The following ME1 variants were observed in gnomAD, a reference collection of about 807,000 sequenced individuals.
ME1 encodes NADP-dependent malic enzyme.
ME1 carries 74 observed loss-of-function variants against 66.4 expected under a neutral mutation model. The observed-to-expected ratio is 1.11, with a 90% CI of 0.92 to 1.35. ME1 has a LOEUF of 1.35. Among genes scored for constraint, ME1 ranks in the 40% most tolerant of loss-of-function variants. ME1 has a pLI of 0.00. For missense variants in ME1, 750 were observed against 694.1 expected (o/e 1.08, Z -0.90); for synonymous variants, 251 against 235.6 (o/e 1.07, Z -0.60).
intron 5 of ME1, among the ~76,000 whole-genome samples, chr6:83,321,748 C>T (rs187643710): frequency 1.3e-5 from 2 of 152,176 alleles, no homozygotes; most frequent in African/African-American, 2.4e-5. Context: ...AACTTTCCAG[C>T]CTGACAGCTC....
At chr6:83,262,607 C>T (rs902588183) in intron 6 of ME1, among the ~76,000 whole-genome samples, 5 of 152,080 alleles carry the variant, frequency 3.3e-5, no homozygotes, top group African/African-American at 1.2e-4. Context: ...ACATATTCAG[C>T]AGAAAAGAGA....
chr6:83,225,485 A>G (rs1204834860), intron 11 of ME1, among the ~76,000 whole-genome samples: 1 of 152,082 alleles, frequency 6.6e-6, no homozygotes, highest in African/African-American at 2.4e-5. Flanking sequence ...GAGTCTAAAT[A>G]ATGATATTAA....
intron 1 of ME1, among the ~76,000 whole-genome samples, chr6:83,419,151 T>C (rs1349728465): frequency 6.6e-6 from 1 of 152,182 alleles, no homozygotes; most frequent in African/African-American, 2.4e-5. Context: ...CCCCAGTACC[T>C]TTCCTGACTA....
chr6:83,400,161 C>G (rs1455862661), intron 2 of ME1, among the ~76,000 whole-genome samples: 1 of 152,126 alleles, frequency 6.6e-6, no homozygotes, highest in Non-Finnish European at 1.5e-5. Context: ...CCTTCCAAAT[C>G]TCATGTTGAA....
At chr6:83,323,672 C>G (rs150374789) in intron 5 of ME1, among the ~76,000 whole-genome samples, 2 of 152,216 alleles carry the variant, frequency 1.3e-5, no homozygotes, top group African/African-American at 2.4e-5. Context: ...TACAGGAGCA[C>G]CCAGGTTCAT....
intron 3 of ME1, among the ~76,000 whole-genome samples, chr6:83,353,267 A>G (rs186512935): frequency 1.3e-5 from 2 of 152,324 alleles, no homozygotes; most frequent in African/African-American, 4.8e-5. Context: ...CAGAAGGCAC[A>G]CCATATTTGG....
chr6:83,393,132 G>C (rs1304278311), intron 3 of ME1: 6 of 1,372,998 alleles, frequency 4.4e-6, no homozygotes, highest in Non-Finnish European at 6.2e-6. Flanking sequence ...GTCAGTGGTG[G>C]ACCTGACCTG....
chr6:83,243,024 A>C (rs1428153121), intron 7 of ME1, among the ~76,000 whole-genome samples: 1 of 151,990 alleles, frequency 6.6e-6, no homozygotes, highest in Admixed American at 6.6e-5. Flanking sequence ...TTGGGAGGCC[A>C]AGGCAGGAGG....
intron 5 of ME1, among the ~76,000 whole-genome samples, chr6:83,331,836 C>T (rs9449610): frequency 0.058 from 8,834 of 151,958 alleles, 483 homozygotes; most frequent in African/African-American, 0.14. Context: ...TCCCATATAA[C>T]GTATGAAAAG....
intron 3 of ME1, chr6:83,392,400 G>C: frequency 4.0e-6 from 2 of 495,394 alleles, no homozygotes; most frequent in Non-Finnish European, 7.8e-6. Flanking sequence ...ATTGCCAGCT[G>C]CATCCCTGAG....
chr6:83,412,117 A>G (rs555282088), intron 1 of ME1, among the ~76,000 whole-genome samples: 1 of 152,356 alleles, frequency 6.6e-6, no homozygotes, highest in Non-Finnish European at 1.5e-5. Context: ...TGAGTAATTT[A>G]TCAGAAACTA....
At chr6:83,357,899 T>TCCC (rs1365576040) in intron 3 of ME1, among the ~76,000 whole-genome samples, 2 of 62,216 alleles carry the variant, frequency 3.2e-5, no homozygotes, top group East Asian at 5.5e-4. Flanking sequence ...CTTAATAAAC[T>TCCC]CCCCTCTCTC....
intron 5 of ME1, among the ~76,000 whole-genome samples, chr6:83,330,389 C>T (rs1041780957): frequency 6.6e-6 from 1 of 152,022 alleles, no homozygotes; most frequent in Non-Finnish European, 1.5e-5. Context: ...GAGTCTAAAA[C>T]CAGTACCACT....
At chr6:83,368,939 T>C (rs910560530) in intron 3 of ME1, among the ~76,000 whole-genome samples, 1 of 152,126 alleles carries the variant, frequency 6.6e-6, no homozygotes, top group African/African-American at 2.4e-5. Context: ...TTCATTTCCC[T>C]CTGCAATATT....
At chr6:83,402,029 C>T (rs964739630) in intron 2 of ME1, among the ~76,000 whole-genome samples, 1 of 152,186 alleles carries the variant, frequency 6.6e-6, no homozygotes, top group Non-Finnish European at 1.5e-5. Flanking sequence ...TGGTATTCCA[C>T]ACAGCATTGC....
chr6:83,298,535 A>C (rs1047532736), intron 6 of ME1, among the ~76,000 whole-genome samples: 1 of 152,046 alleles, frequency 6.6e-6, no homozygotes, highest in Non-Finnish European at 1.5e-5. Flanking sequence ...CTCTGATGAT[A>C]GTTTCTTTTG....
intron 7 of ME1, among the ~76,000 whole-genome samples, chr6:83,252,264 TTGTTGTTGTTGTTGC>T (rs57816477): frequency 0.026 from 3,876 of 151,938 alleles, 111 homozygotes; most frequent in East Asian, 0.15. Context: ...TCTGTTGTTG[TTGTTGTTGTTGTTGC>T]TGTTGTTGTT....
intron 8 of ME1, among the ~76,000 whole-genome samples, chr6:83,238,498 T>C (rs1273639846): frequency 1.3e-5 from 2 of 152,062 alleles, no homozygotes; most frequent in Non-Finnish European, 2.9e-5. Flanking sequence ...CCTTTGAAAA[T>C]TCAAAGAGGT....
intron 6 of ME1, among the ~76,000 whole-genome samples, chr6:83,267,125 T>A (rs1350995247): frequency 6.6e-6 from 1 of 152,152 alleles, no homozygotes; most frequent in Admixed American, 6.5e-5. Context: ...TAGGGATGTG[T>A]GGAAGCTCAA....
Sources: allele counts gnomAD v4.1 joint callset (sites outside exome capture counted in the v4.1 genomes callset), GRCh38; gene constraint gnomAD v4.1.1; transcripts MANE v1.5; gene names NCBI Gene and HGNC (gene_info 2026-07-23, HGNC 2026-07-21).